Variants in OR1B1 observed in about 807,000 individuals in gnomAD.
OR1B1 encodes olfactory receptor 1B1.
For missense variants in OR1B1, 414 were observed against 402.1 expected (o/e 1.03, Z -0.25); for synonymous variants, 168 against 156.2 (o/e 1.08, Z -0.57).
chr9:122,636,875 G>C, the OR1B1 span, among the ~76,000 whole-genome samples: 2 of 152,198 alleles, frequency 1.3e-5, no homozygotes, highest in East Asian at 3.8e-4. Context: ...TTTCTCATCT[G>C]TCAAATAGTG....
exon 1 of OR1B1, chr9:122,628,966 A>G (rs1301869877): frequency 1.2e-6 from 2 of 1,614,174 alleles, no homozygotes; most frequent in Non-Finnish European, 1.7e-6. Context: ...AGGCTCGCAG[A>G]AGTGGCCGGT....
downstream of OR1B1, among the ~76,000 whole-genome samples, chr9:122,628,185 TC>T: frequency 6.6e-6 from 1 of 152,040 alleles, no homozygotes; most frequent in Non-Finnish European, 1.5e-5. Context: ...ACAAACACAC[TC>T]CCACAAGAAC....
At chr9:122,639,205 A>T in the OR1B1 span, among the ~76,000 whole-genome samples, 1 of 152,140 alleles carries the variant, frequency 6.6e-6, no homozygotes, top group Non-Finnish European at 1.5e-5. Context: ...ACTCTTCTTA[A>T]CATGTTTATA....
chr9:122,634,971 G>A, the OR1B1 span, among the ~76,000 whole-genome samples: 1 of 152,126 alleles, frequency 6.6e-6, no homozygotes, highest in Non-Finnish European at 1.5e-5. Flanking sequence ...ACAGTACAGA[G>A]GGTCTTTAAA....
the OR1B1 span, among the ~76,000 whole-genome samples, chr9:122,634,609 G>T: frequency 6.6e-6 from 1 of 152,002 alleles, no homozygotes; most frequent in South Asian, 2.1e-4. Flanking sequence ...CAGCATGGGG[G>T]AAACCACCCC....
At chr9:122,639,671 AT>A in the OR1B1 span, 1 of 151,498 alleles carries the variant, frequency 6.6e-6, no homozygotes, top group Non-Finnish European at 1.5e-5. Flanking sequence ...AATGCCTATT[AT>A]TGTTTAAAAA....
chr9:122,642,331 C>A, the OR1B1 span, among the ~76,000 whole-genome samples: 1 of 152,124 alleles, frequency 6.6e-6, no homozygotes, highest in Non-Finnish European at 1.5e-5. Context: ...TAGTTCCCCA[C>A]CCACACATTC....
chr9:122,647,941 G>C, the OR1B1 span, among the ~76,000 whole-genome samples: 1 of 152,124 alleles, frequency 6.6e-6, no homozygotes, highest in African/African-American at 2.4e-5. Context: ...TATATCAAGA[G>C]TAAATATGTG....
chr9:122,656,719 C>T, the OR1B1 span, among the ~76,000 whole-genome samples: 1 of 152,226 alleles, frequency 6.6e-6, no homozygotes, highest in East Asian at 1.9e-4. Flanking sequence ...TATCATTTCA[C>T]AGTCTACAAA....
the OR1B1 span, among the ~76,000 whole-genome samples, chr9:122,656,206 CA>C: frequency 3.3e-5 from 5 of 152,178 alleles, no homozygotes; most frequent in South Asian, 2.1e-4. Flanking sequence ...CACGTGTCTT[CA>C]AAAAATTTAT....
chr9:122,646,207 C>T, the OR1B1 span, among the ~76,000 whole-genome samples: 2 of 150,894 alleles, frequency 1.3e-5, no homozygotes, highest in Non-Finnish European at 3.0e-5. Context: ...ACACAAAAAA[C>T]GAAGAGCAAA....
the OR1B1 span, among the ~76,000 whole-genome samples, chr9:122,650,419 AAT>A: frequency 1.4e-4 from 21 of 151,078 alleles, no homozygotes; most frequent in African/African-American, 3.4e-4. Context: ...AAATTAAAAA[AAT>A]ATATATATAA....
the OR1B1 span, chr9:122,639,615 T>C: frequency 6.6e-6 from 1 of 151,970 alleles, no homozygotes; most frequent in Non-Finnish European, 1.5e-5. Context: ...AACCATAAAG[T>C]GGACATGGGA....
the OR1B1 span, among the ~76,000 whole-genome samples, chr9:122,653,931 ATAT>A: frequency 6.6e-6 from 1 of 152,188 alleles, no homozygotes; most frequent in Non-Finnish European, 1.5e-5. Context: ...TCTCTTTAAC[ATAT>A]TATTAAATAC....
At chr9:122,629,817 CTTCA>C (rs986429851), upstream of OR1B1, among the ~76,000 whole-genome samples, 1 of 152,176 alleles carries the variant, frequency 6.6e-6, no homozygotes, top group African/African-American at 2.4e-5. Context: ...GTGAAAAACT[CTTCA>C]TTCATTCTTG....
the OR1B1 span, among the ~76,000 whole-genome samples, chr9:122,636,136 G>T: frequency 4.6e-5 from 7 of 152,178 alleles, no homozygotes; most frequent in African/African-American, 1.7e-4. Flanking sequence ...GTCAGGCTTC[G>T]TTTCTACTTG....
the OR1B1 span, among the ~76,000 whole-genome samples, chr9:122,646,170 C>A: frequency 6.6e-6 from 1 of 151,332 alleles, no homozygotes; most frequent in African/African-American, 2.4e-5. Flanking sequence ...CTCGTGGTAA[C>A]CTCAAATCAA....
At chr9:122,636,164 C>G in the OR1B1 span, among the ~76,000 whole-genome samples, 2 of 152,190 alleles carry the variant, frequency 1.3e-5, no homozygotes, top group Non-Finnish European at 2.9e-5. Flanking sequence ...CACCAAGTCC[C>G]TGCACGGTCA....
the OR1B1 span, among the ~76,000 whole-genome samples, chr9:122,634,742 G>T: frequency 3.9e-5 from 6 of 152,114 alleles, no homozygotes; most frequent in Non-Finnish European, 5.9e-5. Context: ...TGCATCCAAA[G>T]ATATACAAAT....
Sources: gnomAD v4.1 joint callset for allele counts (sites outside exome capture counted in the v4.1 genomes callset) on GRCh38, gnomAD v4.1.1 for gene constraint, MANE v1.5 for transcripts, NCBI Gene and HGNC (gene_info 2026-07-23, HGNC 2026-07-21) for gene names.